The following KYNU variants were observed in gnomAD, a reference collection of about 807,000 sequenced individuals.
KYNU encodes L-kynurenine hydrolase.
A neutral mutation model predicts 59.2 loss-of-function variants in KYNU; 54 were observed. The observed-to-expected ratio is 0.91, with a 90% CI of 0.73 to 1.14. KYNU has a LOEUF of 1.14. Ranked by LOEUF, KYNU falls within the 50% of genes most tolerant of loss-of-function variation. The pLI is 0.00. For missense variants in KYNU, 567 were observed against 554.4 expected, an observed-to-expected ratio of 1.02 and a Z score of -0.23; for synonymous variants, 177 against 192.0, an observed-to-expected ratio of 0.92 and a Z score of 0.65.
chr2:142,949,211 G>T (rs542893380), intron 4 of KYNU, among the ~76,000 whole-genome samples: 1 of 152,344 alleles, frequency 6.6e-6, no homozygotes, highest in East Asian at 1.9e-4. Flanking sequence ...TTCATGGGCT[G>T]GTGTTGAGTA....
At chr2:142,939,924 T>C (rs1683537716) in intron 4 of KYNU, among the ~76,000 whole-genome samples, 1 of 152,174 alleles carries the variant, frequency 6.6e-6, no homozygotes, top group African/African-American at 2.4e-5. Context: ...TGCTTAGGTC[T>C]GGAACCCAGG....
At chr2:142,950,657 T>G (rs183036154) in intron 4 of KYNU, among the ~76,000 whole-genome samples, 1 of 152,232 alleles carries the variant, frequency 6.6e-6, no homozygotes, top group African/African-American at 2.4e-5. Flanking sequence ...GAGATTTGAG[T>G]GGGGACACAG....
chr2:142,900,230 C>T (rs1026033242), intron 2 of KYNU, among the ~76,000 whole-genome samples: 2 of 152,154 alleles, frequency 1.3e-5, no homozygotes, highest in African/African-American at 4.8e-5. Flanking sequence ...GGATCAGGAG[C>T]ACAGTGAACA....
intron 2 of KYNU, among the ~76,000 whole-genome samples, chr2:142,915,477 GAGA>G (rs1296136804): frequency 6.6e-6 from 1 of 152,194 alleles, no homozygotes; most frequent in African/African-American, 2.4e-5. Flanking sequence ...TAGGGCTGGG[GAGA>G]AGATTTAAAT....
At chr2:142,914,866 G>A (rs1210409844) in intron 2 of KYNU, among the ~76,000 whole-genome samples, 1 of 152,200 alleles carries the variant, frequency 6.6e-6, no homozygotes, top group Non-Finnish European at 1.5e-5. Context: ...ACAAGAGGAA[G>A]ACAAGGGAAA....
chr2:142,918,130 A>G (rs1432659837), intron 2 of KYNU, among the ~76,000 whole-genome samples: 1 of 152,202 alleles, frequency 6.6e-6, no homozygotes, highest in African/African-American at 2.4e-5. Context: ...GAATGAAAAA[A>G]ACCGCATAAA....
chr2:142,977,371 G>A (rs1279690597), intron 8 of KYNU, among the ~76,000 whole-genome samples: 4 of 75,242 alleles, frequency 5.3e-5, no homozygotes, highest in African/African-American at 1.3e-4. Context: ...AATTTTGTGT[G>A]GATATATATA....
intron 4 of KYNU, among the ~76,000 whole-genome samples, chr2:142,935,246 A>G (rs1456455396): frequency 1.3e-5 from 2 of 152,184 alleles, no homozygotes; most frequent in African/African-American, 4.8e-5. Flanking sequence ...TCAGTTAAAC[A>G]AGAGAGAAAA....
chr2:143,029,527 A>G, intron 10 of KYNU, 100 bp from the exon 11 acceptor site: 1 of 751,280 alleles, frequency 1.3e-6, no homozygotes, highest in Non-Finnish European at 2.4e-6. Flanking sequence ...CAGAGGTGGC[A>G]GTGAGCTGAG....
intron 4 of KYNU, among the ~76,000 whole-genome samples, chr2:142,944,835 T>C (rs759204204): frequency 1.3e-5 from 2 of 152,270 alleles, no homozygotes; most frequent in African/African-American, 4.8e-5. Flanking sequence ...TCCAGGTTGC[T>C]GCAGTAATGC....
At chr2:142,958,215 T>C (rs1474539313) in intron 7 of KYNU, 2 of 157,148 alleles carry the variant, frequency 1.3e-5, no homozygotes, top group African/African-American at 4.8e-5. Context: ...ACAGTCTGGC[T>C]AATATTTCCA....
intron 4 of KYNU, among the ~76,000 whole-genome samples, chr2:142,951,313 T>C (rs1683983065): frequency 6.6e-6 from 1 of 152,122 alleles, no homozygotes; most frequent in Non-Finnish European, 1.5e-5. Context: ...CTTCAGCACT[T>C]TGGGAGGCCA....
At chr2:142,955,231 G>A (rs1684123150) in intron 5 of KYNU, among the ~76,000 whole-genome samples, 1 of 152,032 alleles carries the variant, frequency 6.6e-6, no homozygotes, top group Admixed American at 6.6e-5. Context: ...AGCAGAGTGA[G>A]TTAGTGGATC....
At chr2:143,004,349 A>G (rs1420182127) in intron 10 of KYNU, among the ~76,000 whole-genome samples, 1 of 152,210 alleles carries the variant, frequency 6.6e-6, no homozygotes, top group East Asian at 1.9e-4. Flanking sequence ...TCTCAGGTCC[A>G]GTAAAATCTT....
At chr2:142,923,699 A>T (rs1682961027) in intron 3 of KYNU, among the ~76,000 whole-genome samples, 1 of 152,382 alleles carries the variant, frequency 6.6e-6, no homozygotes, top group Admixed American at 6.5e-5. Context: ...TTCCTAAAAT[A>T]GAATCACAAT....
At chr2:142,886,262 A>G (rs1028842718) in intron 2 of KYNU, among the ~76,000 whole-genome samples, 13 of 152,210 alleles carry the variant, frequency 8.5e-5, no homozygotes, top group African/African-American at 3.1e-4. Context: ...CATCCTTTAT[A>G]ATAGTCTGAT....
chr2:142,892,195 C>T (rs550348480), intron 2 of KYNU, among the ~76,000 whole-genome samples: 1 of 152,364 alleles, frequency 6.6e-6, no homozygotes, highest in South Asian at 2.1e-4. Context: ...TTACAGGCGT[C>T]AGCCGCCATG....
intron 10 of KYNU, among the ~76,000 whole-genome samples, chr2:142,991,375 A>T (rs1213171263): frequency 6.6e-6 from 1 of 151,932 alleles, no homozygotes; most frequent in Non-Finnish European, 1.5e-5. Context: ...CAGTAGCAAG[A>T]TGTGTGACTT....
At chr2:142,992,676 TAA>T (rs1407760527) in intron 10 of KYNU, among the ~76,000 whole-genome samples, 1 of 151,942 alleles carries the variant, frequency 6.6e-6, no homozygotes, top group Non-Finnish European at 1.5e-5. Flanking sequence ...CTAAATATGG[TAA>T]AACTTGCATT....
Sources: gnomAD v4.1 joint callset for allele counts (sites outside exome capture counted in the v4.1 genomes callset) on GRCh38, gnomAD v4.1.1 for gene constraint, MANE v1.5 for transcripts, NCBI Gene and HGNC (gene_info 2026-07-23, HGNC 2026-07-21) for gene names.